The following GPHN variants were observed in gnomAD, a reference collection of about 807,000 sequenced individuals.
GPHN encodes the protein gephyrin.
GPHN carries 17 observed loss-of-function variants against 95.5 expected under a neutral mutation model. The ratio of observed to expected loss-of-function variants is 0.18; its 90% CI spans 0.12 to 0.27. The LOEUF is 0.27. Ranked by LOEUF, GPHN falls within the 10% of genes least tolerant of loss-of-function variation. GPHN has a pLI of 1.00. For synonymous variants in GPHN, 320 were observed against 322.5 expected, an observed-to-expected ratio of 0.99 and a Z score of 0.08; for missense variants, 660 against 978.1, an observed-to-expected ratio of 0.67 and a Z score of 4.34.
the GPHN span, among the ~76,000 whole-genome samples, chr14:67,427,165 G>A: frequency 1.5e-3 from 221 of 152,264 alleles, 2 homozygotes; most frequent in Non-Finnish European, 2.4e-3. Flanking sequence ...ATGGGGATGT[G>A]GGTGGCGTAC....
chr14:67,349,021 A>G, the GPHN span: 34 of 1,611,590 alleles, frequency 2.1e-5, no homozygotes, highest in Non-Finnish European at 2.9e-5. Context: ...GGGTTTCTAA[A>G]AGGTTGAAAC....
At chr14:67,249,339 G>A in the GPHN span, among the ~76,000 whole-genome samples, 9 of 152,106 alleles carry the variant, frequency 5.9e-5, no homozygotes, top group African/African-American at 2.2e-4. Flanking sequence ...GGAAGCTTGG[G>A]GTATTTATTT....
intron 2 of GPHN, among the ~76,000 whole-genome samples, chr14:66,775,129 T>A (rs193123587): frequency 8.5e-5 from 13 of 152,314 alleles, no homozygotes; most frequent in Admixed American, 7.8e-4. Context: ...GTCACCCAAG[T>A]AATAAGCATA....
intron 6 of GPHN, among the ~76,000 whole-genome samples, chr14:66,919,927 C>T (rs984025386): frequency 6.6e-6 from 1 of 152,052 alleles, no homozygotes; most frequent in South Asian, 2.1e-4. Flanking sequence ...ACTAGCCAGG[C>T]GTGGTGGCAG....
the GPHN span, chr14:67,579,359 T>G: frequency 1.6e-5 from 22 of 1,384,874 alleles, no homozygotes; most frequent in Non-Finnish European, 2.0e-5. Context: ...CACGTCACCA[T>G]CCAGAGAATA....
chr14:67,312,621 T>G, the GPHN span: 1 of 1,613,710 alleles, frequency 6.2e-7, no homozygotes, highest in Non-Finnish European at 8.5e-7. Flanking sequence ...GGTGATATAC[T>G]TCATGTGATC....
At chr14:66,552,668 T>A (rs528456040) in intron 1 of GPHN, among the ~76,000 whole-genome samples, 4 of 152,282 alleles carry the variant, frequency 2.6e-5, no homozygotes, top group African/African-American at 9.6e-5. Context: ...CACCCTCATT[T>A]CTGAAGGATA....
At chr14:67,170,161 T>C (rs888858193) in intron 21 of GPHN, among the ~76,000 whole-genome samples, 11 of 152,172 alleles carry the variant, frequency 7.2e-5, no homozygotes, top group Admixed American at 6.5e-4. Context: ...ATCTAGGCTT[T>C]CAATAGTCTT....
chr14:67,352,613 GAA>G, the GPHN span: 1 of 213,442 alleles, frequency 4.7e-6, no homozygotes, highest in South Asian at 9.6e-5. Context: ...AAGTTCTGGG[GAA>G]AGAGTATTTC....
At chr14:66,891,132 A>G (rs1420749931) in intron 5 of GPHN, among the ~76,000 whole-genome samples, 2 of 151,816 alleles carry the variant, frequency 1.3e-5, no homozygotes, top group Admixed American at 6.6e-5. Flanking sequence ...GAAAGGAAGA[A>G]GTAAACCTAT....
intron 17 of GPHN, among the ~76,000 whole-genome samples, chr14:67,129,104 G>A (rs957848321): frequency 3.3e-5 from 5 of 151,524 alleles, no homozygotes; most frequent in Non-Finnish European, 5.9e-5. Context: ...GTGAGCCATC[G>A]TGCCCAGCCA....
At chr14:67,650,935 T>G in the GPHN span, 1 of 1,611,588 alleles carries the variant, frequency 6.2e-7, no homozygotes, top group South Asian at 1.1e-5. Context: ...CACTGTGCAC[T>G]GACATGTTTC....
chr14:66,892,830 TAA>T (rs1300158382), intron 5 of GPHN, among the ~76,000 whole-genome samples: 2 of 152,186 alleles, frequency 1.3e-5, no homozygotes, highest in African/African-American at 4.8e-5. Context: ...GGTTGCACAA[TAA>T]TGTGAATGTA....
chr14:67,690,294 T>C, the GPHN span: 11 of 1,614,046 alleles, frequency 6.8e-6, no homozygotes, highest in East Asian at 1.6e-4. Flanking sequence ...CATTGTAGAA[T>C]TTCTCGCCCT....
At chr14:66,827,970 T>C (rs1396728099) in intron 4 of GPHN, among the ~76,000 whole-genome samples, 1 of 152,090 alleles carries the variant, frequency 6.6e-6, no homozygotes, top group East Asian at 1.9e-4. Context: ...ATTGAGGTGC[T>C]CTTATATTCA....
the GPHN span, among the ~76,000 whole-genome samples, chr14:67,510,417 G>A: frequency 1.3e-5 from 2 of 152,104 alleles, no homozygotes; most frequent in Non-Finnish European, 2.9e-5. Flanking sequence ...CCTAGAAATC[G>A]GGGTATCTGA....
At chr14:66,910,992 T>A (rs998082441) in intron 5 of GPHN, among the ~76,000 whole-genome samples, 1 of 151,968 alleles carries the variant, frequency 6.6e-6, no homozygotes, top group African/African-American at 2.4e-5. Flanking sequence ...GAAAACCAAG[T>A]TGTATAAGAA....
chr14:67,207,657 A>G, the GPHN span, among the ~76,000 whole-genome samples: 3 of 152,188 alleles, frequency 2.0e-5, no homozygotes, highest in African/African-American at 7.2e-5. Context: ...CTTGAGCCCT[A>G]AGTGATTCTG....
intron 10 of GPHN, among the ~76,000 whole-genome samples, chr14:67,035,707 A>G (rs2074388419): frequency 6.6e-6 from 1 of 151,876 alleles, no homozygotes; most frequent in Non-Finnish European, 1.5e-5. Context: ...TAGAAAATCT[A>G]AACATATCTA....
Sources: gnomAD v4.1 joint callset for allele counts (sites outside exome capture counted in the v4.1 genomes callset) on GRCh38, gnomAD v4.1.1 for gene constraint, MANE v1.5 for transcripts, NCBI Gene and HGNC (gene_info 2026-07-23, HGNC 2026-07-21) for gene names.